CADPS: variants seen among roughly 807,000 people sequenced by gnomAD.
CADPS encodes calcium dependent secretion activator, also known as calcium-dependent secretion activator 1.
A neutral mutation model predicts 167.3 loss-of-function variants in CADPS; 57 were observed. That is an observed-to-expected ratio of 0.34 (90% CI 0.28 to 0.42). The LOEUF (loss-of-function observed/expected upper bound fraction) is 0.42, where lower values mean the gene tolerates loss of function less well. Among genes scored for constraint, CADPS ranks in the 20% least tolerant of loss-of-function variants. The probability of loss-of-function intolerance (pLI) is 1.00; values close to 1 mark genes in which losing one functional copy is unlikely to be tolerated. For synonymous variants in CADPS, 676 were observed against 635.3 expected (o/e 1.06, Z -0.96); for missense variants, 1,414 against 1,738.1 (o/e 0.81, Z 3.32).
chr3:62,829,465 T>C (rs960953798), intron 1 of CADPS, among the ~76,000 whole-genome samples: 5 of 152,154 alleles, frequency 3.3e-5, no homozygotes, highest in East Asian at 1.9e-4. Context: ...ATATCCTCCA[T>C]GGATACCAAG....
At chr3:62,802,080 A>G (rs1203662235) in intron 1 of CADPS, among the ~76,000 whole-genome samples, 2 of 152,252 alleles carry the variant, frequency 1.3e-5, no homozygotes, top group Middle Eastern at 6.8e-3. Flanking sequence ...CTACACAGCA[A>G]AAGTCTGTTC....
chr3:62,627,030 C>A (rs573527997), intron 6 of CADPS, among the ~76,000 whole-genome samples: 1 of 152,066 alleles, frequency 6.6e-6, no homozygotes, highest in Admixed American at 6.5e-5. Context: ...ATAGATTTTC[C>A]TATGAAACCT....
intron 17 of CADPS, among the ~76,000 whole-genome samples, chr3:62,504,876 C>T (rs189059871): frequency 6.6e-6 from 1 of 152,242 alleles, no homozygotes; most frequent in Non-Finnish European, 1.5e-5. Context: ...CTCCAATTAG[C>T]CCTTAAATAA....
At chr3:62,694,254 G>C (rs1449884232) in intron 3 of CADPS, among the ~76,000 whole-genome samples, 1 of 152,050 alleles carries the variant, frequency 6.6e-6, no homozygotes, top group Non-Finnish European at 1.5e-5. Context: ...AAGTCCATTG[G>C]ATCAGGTCAT....
At chr3:62,863,537 A>T (rs1248447656) in intron 1 of CADPS, among the ~76,000 whole-genome samples, 1 of 152,162 alleles carries the variant, frequency 6.6e-6, no homozygotes, top group Non-Finnish European at 1.5e-5. Flanking sequence ...GAGTGCAATG[A>T]CACTGAGGCT....
chr3:62,843,022 TG>T (rs2076864070), intron 1 of CADPS, among the ~76,000 whole-genome samples: 1 of 152,190 alleles, frequency 6.6e-6, no homozygotes, highest in African/African-American at 2.4e-5. Context: ...AAAATAAAAA[TG>T]ATGATTCATT....
chr3:62,610,128 A>G (rs1207071076), intron 6 of CADPS, among the ~76,000 whole-genome samples: 3 of 152,042 alleles, frequency 2.0e-5, no homozygotes, highest in Admixed American at 2.0e-4. Context: ...AAAACAACAA[A>G]AAACAAACAA....
chr3:62,709,601 G>C (rs2082985854), intron 3 of CADPS, among the ~76,000 whole-genome samples: 1 of 151,862 alleles, frequency 6.6e-6, no homozygotes, highest in Non-Finnish European at 1.5e-5. Context: ...GCCCGACCTA[G>C]CTTATTTACT....
chr3:62,528,779 C>T (rs190338902), intron 13 of CADPS, among the ~76,000 whole-genome samples: 27 of 152,278 alleles, frequency 1.8e-4, no homozygotes, highest in Admixed American at 2.6e-4. Context: ...TCTAGGTTTG[C>T]TACTTAAATT....
intron 5 of CADPS, among the ~76,000 whole-genome samples, chr3:62,650,253 C>T (rs575629332): frequency 3.3e-5 from 5 of 152,248 alleles, no homozygotes; most frequent in Non-Finnish European, 7.3e-5. Context: ...AGTGAACTAC[C>T]TTCCCATGTA....
At chr3:62,649,769 C>G (rs1203668442) in intron 5 of CADPS, among the ~76,000 whole-genome samples, 1 of 151,528 alleles carries the variant, frequency 6.6e-6, no homozygotes, top group Non-Finnish European at 1.5e-5. Context: ...CCAGGCTGGT[C>G]TTAAACTCCT....
chr3:62,847,012 A>G (rs1577246689), intron 1 of CADPS, among the ~76,000 whole-genome samples: 1 of 152,162 alleles, frequency 6.6e-6, no homozygotes, highest in Admixed American at 6.5e-5. Context: ...GAATTTGAAT[A>G]TATTTGATGT....
At chr3:62,726,102 G>A (rs894800414) in intron 3 of CADPS, among the ~76,000 whole-genome samples, 1 of 151,716 alleles carries the variant, frequency 6.6e-6, no homozygotes, top group Admixed American at 6.6e-5. Context: ...AAAGATGAGG[G>A]GATCAACAGG....
chr3:62,492,495 T>C, intron 19 of CADPS, 49 bp from the exon 20 acceptor site: 9 of 1,568,980 alleles, frequency 5.7e-6, no homozygotes, highest in Non-Finnish European at 7.9e-6. Context: ...ATGAGCTTCT[T>C]TCTCGGACAT....
At chr3:62,755,438 G>A (rs1194840638) in intron 2 of CADPS, among the ~76,000 whole-genome samples, 1 of 152,186 alleles carries the variant, frequency 6.6e-6, no homozygotes, top group African/African-American at 2.4e-5. Flanking sequence ...TTTGAGCTGC[G>A]TCCTGGTCAC....
rs11353455 is a variant in CADPS at position 62,417,276 on chromosome 3, C to CTTTTTTTTTTTTTTT, written c.3778-14106_3778-14092dup. Among the ~76,000 whole-genome samples, 209 of 64,084 alleles carry CTTTTTTTTTTTTTTT rather than the reference C, an allele frequency of 3.3e-3. 53 individuals carry two copies. Among genetic ancestry groups the CTTTTTTTTTTTTTTT allele is most frequent in the Non-Finnish European group, 3.5e-3 (117 of 33,624 alleles). The allele number at this position is 64,084 out of a possible 152,430, so 42.0% of individuals were successfully genotyped here. A position where few individuals can be genotyped will look rare whatever the true frequency, so the allele number is the denominator to read the frequency against. ...ACACAATAACTATTTTTCTTTTACT[C>CTTTTTTTTTTTTTTT]TTTTTTTTTTTTTTTTTTTTTTTTT... is the stretch of plus-strand genomic sequence containing the variant. On this transcript the variant is annotated intron_variant, in intron 28 of 29. Transcript: ENST00000383710.
intron 3 of CADPS, among the ~76,000 whole-genome samples, chr3:62,669,022 T>C (rs898169767): frequency 6.6e-6 from 1 of 152,216 alleles, no homozygotes; most frequent in South Asian, 2.1e-4. Context: ...AGACTGAACT[T>C]TGCTGGCCTA....
chr3:62,666,582 A>G (rs2150615107), intron 3 of CADPS, among the ~76,000 whole-genome samples: 1 of 152,282 alleles, frequency 6.6e-6, no homozygotes. Flanking sequence ...TTACCTAATT[A>G]GACAAATAAT....
intron 1 of CADPS, among the ~76,000 whole-genome samples, chr3:62,815,502 G>C (rs1354197701): frequency 1.3e-5 from 2 of 151,976 alleles, no homozygotes; most frequent in Admixed American, 6.6e-5. Context: ...CCTTGATCTG[G>C]GTGCAGATTA....
Sources: allele counts gnomAD v4.1 joint callset (sites outside exome capture counted in the v4.1 genomes callset), GRCh38; gene constraint gnomAD v4.1.1; transcripts MANE v1.5; gene names NCBI Gene and HGNC (gene_info 2026-07-23, HGNC 2026-07-21).